The following KIAA0825 variants were observed in gnomAD, a reference collection of about 807,000 sequenced individuals.
KIAA0825 encodes the protein KIAA0825, also known as uncharacterized protein KIAA0825.
A neutral mutation model predicts 147.6 loss-of-function variants in KIAA0825; 119 were observed. That is an observed-to-expected ratio of 0.81 (90% confidence interval 0.69 to 0.94). The LOEUF (loss-of-function observed/expected upper bound fraction) is 0.94, where lower values mean the gene tolerates loss of function less well. KIAA0825 is among the 40% of genes least tolerant of loss of function. The probability of loss-of-function intolerance (pLI) is 0.00; values close to 1 mark genes in which losing one functional copy is unlikely to be tolerated. For missense variants in KIAA0825, 1,381 were observed against 1,472.7 expected (o/e 0.94, Z 1.02); for synonymous variants, 470 against 518.1 (o/e 0.91, Z 1.26).
intron 20 of KIAA0825, among the ~76,000 whole-genome samples, chr5:94,297,535 T>A (rs1375956194): frequency 6.6e-6 from 1 of 152,160 alleles, no homozygotes; most frequent in Non-Finnish European, 1.5e-5. Flanking sequence ...CAGAGTTCAA[T>A]AAAGAAAAAT....
At chr5:94,181,375 A>G (rs974406270) in intron 20 of KIAA0825, among the ~76,000 whole-genome samples, 15 of 152,234 alleles carry the variant, frequency 9.9e-5, no homozygotes, top group African/African-American at 3.4e-4. Flanking sequence ...AGCTGATTGC[A>G]AAATGAATAT....
chr5:94,536,482 G>A (rs1772041459), intron 3 of KIAA0825, among the ~76,000 whole-genome samples: 1 of 152,162 alleles, frequency 6.6e-6, no homozygotes, highest in African/African-American at 2.4e-5. Context: ...GTATTAATGA[G>A]AAACCATTGA....
intron 1 of KIAA0825, among the ~76,000 whole-genome samples, chr5:94,585,017 A>C (rs2881469): frequency 0.37 from 55,821 of 151,916 alleles, 11,152 homozygotes; most frequent in African/African-American, 0.49. Context: ...ACCAGGCCTG[A>C]CTTACAAGAG....
chr5:94,565,094 C>CTTTTTTTTTTTTTT (rs1285299381), intron 2 of KIAA0825, among the ~76,000 whole-genome samples: 1 of 51,908 alleles, frequency 1.9e-5, no homozygotes, highest in African/African-American at 9.4e-5. Context: ...TTCTTGCTTT[C>CTTTTTTTTTTTTTT]CTTTTTTTTT....
chr5:94,413,465 A>G (rs553688986), intron 15 of KIAA0825: 1 of 151,990 alleles, frequency 6.6e-6, no homozygotes, highest in East Asian at 1.9e-4. Context: ...AATGAGCAGA[A>G]ATAAACTAAT....
chr5:94,565,216 A>C (rs1778476006), intron 2 of KIAA0825, among the ~76,000 whole-genome samples: 1 of 147,114 alleles, frequency 6.8e-6, no homozygotes. Flanking sequence ...TATAGGTGTG[A>C]GCCACCATGC....
At chr5:94,277,379 CAGAATCTACAAGGAACTT>C (rs1168604632) in intron 20 of KIAA0825, among the ~76,000 whole-genome samples, 1 of 151,980 alleles carries the variant, frequency 6.6e-6, no homozygotes, top group African/African-American at 2.4e-5. Flanking sequence ...GGCTAATATC[CAGAATCTACAAGGAACTT>C]AATCAAATTT....
At position 94,151,720 on chromosome 5, in the gene KIAA0825, G is replaced by A. The variant is rs149370072; in HGVS notation, c.*2287C>T. Among the ~76,000 whole-genome samples, 1 of 152,182 alleles carries A rather than the reference G, an allele frequency of 6.6e-6. No homozygotes were observed. The highest frequency in any genetic ancestry group is 1.5e-5 in the Non-Finnish European group (1 of 68,004). Reference sequence around the variant, plus strand: ...AAATTACTTCCCAGGATTAATACAGGAATATACGAATTCAATAATAATAGC... The same window carrying A: ...AAATTACTTCCCAGGATTAATACAGAAATATACGAATTCAATAATAATAGC... On this transcript the variant is annotated 3_prime_UTR_variant, in exon 21 of 21. Coordinates refer to ENST00000682413, the MANE Select transcript of KIAA0825 (RefSeq NM_001145678.3).
chr5:94,583,205 A>G (rs1782562822), intron 1 of KIAA0825, among the ~76,000 whole-genome samples: 1 of 152,176 alleles, frequency 6.6e-6, no homozygotes, highest in Non-Finnish European at 1.5e-5. Context: ...GGGTGAGCCA[A>G]AGCAGGCCGG....
chr5:94,618,098 T>C (rs932496814), intron 1 of KIAA0825: 1 of 152,318 alleles, frequency 6.6e-6, no homozygotes, highest in Non-Finnish European at 1.5e-5. Flanking sequence ...GCCAACCTCC[T>C]GCCTTCCAGG....
intron 20 of KIAA0825, among the ~76,000 whole-genome samples, chr5:94,321,161 A>T (rs2150244985): frequency 6.6e-6 from 1 of 152,130 alleles, no homozygotes; most frequent in South Asian, 2.1e-4. Context: ...ATCTAAAGTA[A>T]AAATGCCAAG....
chr5:94,456,783 A>G (rs932560706), intron 12 of KIAA0825, among the ~76,000 whole-genome samples: 1 of 152,244 alleles, frequency 6.6e-6, no homozygotes, highest in Non-Finnish European at 1.5e-5. Context: ...TTATGAGATA[A>G]CAACAGTTAG....
At chr5:94,562,063 C>A (rs573950004) in intron 2 of KIAA0825, among the ~76,000 whole-genome samples, 7 of 152,064 alleles carry the variant, frequency 4.6e-5, no homozygotes, top group African/African-American at 1.4e-4. Context: ...AAATGTGATA[C>A]CTTAAAATGC....
At chr5:94,329,645 T>G in intron 20 of KIAA0825, among the ~76,000 whole-genome samples, 1 of 152,096 alleles carries the variant, frequency 6.6e-6, no homozygotes, top group East Asian at 1.9e-4. Context: ...ACAAAATTAC[T>G]TAAGGACTGT....
intron 17 of KIAA0825, among the ~76,000 whole-genome samples, chr5:94,395,795 C>A (rs1212564691): frequency 6.6e-6 from 1 of 152,152 alleles, no homozygotes; most frequent in African/African-American, 2.4e-5. Context: ...TGTTTGCACA[C>A]TGAAAAGGGG....
intron 20 of KIAA0825, among the ~76,000 whole-genome samples, chr5:94,334,333 G>T (rs1449724308): frequency 6.6e-6 from 1 of 152,256 alleles, no homozygotes; most frequent in Non-Finnish European, 1.5e-5. Flanking sequence ...TAGATGATAT[G>T]ATTGCCTATG....
At chr5:94,366,309 C>T (rs1237592755) in intron 20 of KIAA0825, among the ~76,000 whole-genome samples, 2 of 152,196 alleles carry the variant, frequency 1.3e-5, no homozygotes, top group African/African-American at 4.8e-5. Flanking sequence ...GCCTTTGGCT[C>T]ATGAATATAG....
chr5:94,232,473 A>G (rs546320015), intron 20 of KIAA0825, among the ~76,000 whole-genome samples: 1 of 152,158 alleles, frequency 6.6e-6, no homozygotes, highest in East Asian at 1.9e-4. Context: ...ATAAAGTCTT[A>G]TTTGTATTGA....
intron 20 of KIAA0825, among the ~76,000 whole-genome samples, chr5:94,295,972 C>T (rs1778113356): frequency 6.6e-6 from 1 of 152,198 alleles, no homozygotes; most frequent in Admixed American, 6.5e-5. Flanking sequence ...ATACACTGCT[C>T]TCTTTAGGGC....
Sources: gnomAD v4.1 joint callset for allele counts (sites outside exome capture counted in the v4.1 genomes callset) on GRCh38, gnomAD v4.1.1 for gene constraint, MANE v1.5 for transcripts, NCBI Gene and HGNC (gene_info 2026-07-23, HGNC 2026-07-21) for gene names.